DUSP16: variants seen among roughly 807,000 people sequenced by gnomAD.
DUSP16 encodes dual specificity phosphatase 16.
In DUSP16, 21 loss-of-function variants were observed where a neutral mutation model predicts 58.3. That is an observed-to-expected ratio of 0.36 (90% CI 0.26 to 0.52). DUSP16 has a LOEUF of 0.52. Ranked by LOEUF, DUSP16 falls within the 20% of genes least tolerant of loss-of-function variation. The probability of loss-of-function intolerance (pLI) is 0.94; values close to 1 mark genes in which losing one functional copy is unlikely to be tolerated. For synonymous variants in DUSP16, 320 were observed against 323.8 expected (o/e 0.99, Z 0.12); for missense variants, 726 against 819.0 (o/e 0.89, Z 1.39).
At chr12:12,543,935 A>T (rs1007646594) in intron 1 of DUSP16, among the ~76,000 whole-genome samples, 1 of 151,600 alleles carries the variant, frequency 6.6e-6, no homozygotes, top group Non-Finnish European at 1.5e-5. Flanking sequence ...AAACTAATAC[A>T]ATCTTGTATG....
chr12:12,517,830 G>A (rs1944176400), intron 3 of DUSP16, among the ~76,000 whole-genome samples: 1 of 152,200 alleles, frequency 6.6e-6, no homozygotes, highest in Non-Finnish European at 1.5e-5. Flanking sequence ...CCATGGACTT[G>A]CCGTTAGGCC....
At chr12:12,528,545 T>C (rs1470869112) in intron 1 of DUSP16, among the ~76,000 whole-genome samples, 1 of 152,224 alleles carries the variant, frequency 6.6e-6, no homozygotes, top group Non-Finnish European at 1.5e-5. Context: ...CCTGGTTTTC[T>C]TGAACATCTG....
chr12:12,538,354 T>A (rs971799009), intron 1 of DUSP16, among the ~76,000 whole-genome samples: 3 of 152,170 alleles, frequency 2.0e-5, no homozygotes, highest in African/African-American at 7.2e-5. Context: ...TTAAAGAAAG[T>A]CAGAGACTAC....
intron 1 of DUSP16, among the ~76,000 whole-genome samples, chr12:12,531,185 A>G (rs1944378845): frequency 6.6e-6 from 1 of 152,206 alleles, no homozygotes; most frequent in Non-Finnish European, 1.5e-5. Flanking sequence ...GAGAGGGGTT[A>G]TAATTTAATT....
At chr12:12,492,417 G>A (rs1037238261) in intron 4 of DUSP16, among the ~76,000 whole-genome samples, 6 of 152,032 alleles carry the variant, frequency 3.9e-5, no homozygotes, top group Admixed American at 6.6e-5. Flanking sequence ...CTTCCCACCT[G>A]CTGTTTTGGG....
chr12:12,519,804 G>A, intron 3 of DUSP16, 58 bp downstream of exon 3: 3 of 1,578,836 alleles, frequency 1.9e-6, no homozygotes, highest in Non-Finnish European at 2.6e-6. Context: ...AGTGAAATAT[G>A]CTTACTCATA....
At chr12:12,517,149 A>G (rs1317719282) in intron 3 of DUSP16, among the ~76,000 whole-genome samples, 1 of 152,248 alleles carries the variant, frequency 6.6e-6, no homozygotes, top group Non-Finnish European at 1.5e-5. Flanking sequence ...ATGTGGGGCC[A>G]CAATTCCTCA....
At chr12:12,526,268 TAAC>T (rs1311764078) in intron 1 of DUSP16, among the ~76,000 whole-genome samples, 2 of 150,538 alleles carry the variant, frequency 1.3e-5, no homozygotes, top group African/African-American at 4.9e-5. Flanking sequence ...ACAAGTTGTA[TAAC>T]AACTTTCCCC....
At chr12:12,510,552 A>G (rs1206856510) in intron 3 of DUSP16, among the ~76,000 whole-genome samples, 1 of 152,212 alleles carries the variant, frequency 6.6e-6, no homozygotes, top group African/African-American at 2.4e-5. Flanking sequence ...GTGAGGGAGA[A>G]AGGGATAACT....
At chr12:12,558,329 CTCATA>C (rs766782695) in intron 1 of DUSP16, among the ~76,000 whole-genome samples, 72 of 152,094 alleles carry the variant, frequency 4.7e-4, no homozygotes, top group Middle Eastern at 3.4e-3. Context: ...ATTTTACATT[CTCATA>C]TAAGTAATGC....
At chr12:12,526,348 T>C (rs1307063904) in intron 1 of DUSP16, among the ~76,000 whole-genome samples, 1 of 152,222 alleles carries the variant, frequency 6.6e-6, no homozygotes, top group Non-Finnish European at 1.5e-5. Flanking sequence ...TTTGGTTACT[T>C]ATGGAAATGT....
At chr12:12,507,923 T>A (rs917267910) in intron 3 of DUSP16, among the ~76,000 whole-genome samples, 3 of 152,272 alleles carry the variant, frequency 2.0e-5, no homozygotes, top group African/African-American at 7.2e-5. Context: ...AATTCTTTTG[T>A]AGTTCTCAAG....
chr12:12,480,260 T>C lies in DUSP16; in HGVS notation c.778A>G (p.Met260Val). 6.2e-7 allele frequency: 1 copy of C among 1,614,202 alleles called. No individual in the cohort carries two copies. Among genetic ancestry groups the C allele is most frequent in the Non-Finnish European group, 8.5e-7 (1 of 1,180,030 alleles). The change falls in exon 6 of 7, where the codon ATG becomes GTG. Residue 260 changes from methionine (M) to valine (V), a missense_variant. Coordinates refer to ENST00000298573, the MANE Select transcript of DUSP16 (RefSeq NM_030640.3). ...TCTAAAGACATGTCCATCCTCTTCA[T>C]GATGTAGGCGATAGCGATGGTGGCG... Reference protein sequence around the residue: ...RSATIAIAYIMKRMDMSLDEA... With the variant: ...RSATIAIAYIVKRMDMSLDEA...
chr12:12,521,948 GT>G (rs1474242876), intron 1 of DUSP16, among the ~76,000 whole-genome samples: 1 of 151,658 alleles, frequency 6.6e-6, no homozygotes, highest in Non-Finnish European at 1.5e-5. Flanking sequence ...GAATGGGTAG[GT>G]GTATATGTGT....
At chr12:12,543,894 T>C (rs140421630) in intron 1 of DUSP16, among the ~76,000 whole-genome samples, 111 of 151,986 alleles carry the variant, frequency 7.3e-4, no homozygotes, top group African/African-American at 2.6e-3. Flanking sequence ...CCTTACAGCA[T>C]TGATAATACA....
chr12:12,492,931 T>C (rs1943781154), intron 4 of DUSP16, among the ~76,000 whole-genome samples: 1 of 152,186 alleles, frequency 6.6e-6, no homozygotes, highest in Admixed American at 6.5e-5. Context: ...CAATATTTAC[T>C]TCTCAATATT....
At chr12:12,505,827 AAAG>A (rs1203218851) in intron 3 of DUSP16, among the ~76,000 whole-genome samples, 1 of 152,212 alleles carries the variant, frequency 6.6e-6, no homozygotes, top group Admixed American at 6.5e-5. Flanking sequence ...TATAAAACAA[AAAG>A]AAGCCTCTTT....
rs1336720504 is a variant in DUSP16, at chr12:12,476,375, T to C, written c.*458A>G. On this transcript the variant is annotated 3_prime_UTR_variant, in exon 7 of 7. Transcript: ENST00000298573. Reference sequence around the variant, plus strand: ...GGATCATTTCTCTTGGATTTACCACTAGGCTCTGTCCCTAACAGGGTCTAC... The same window carrying C: ...GGATCATTTCTCTTGGATTTACCACCAGGCTCTGTCCCTAACAGGGTCTAC... The C allele has an allele frequency of 6.5e-6, 1 of 154,854 alleles. No individual in the cohort carries two copies. Among genetic ancestry groups the C allele is most frequent in the Non-Finnish European group, 1.4e-5 (1 of 69,774 alleles). 9.6% of individuals were successfully genotyped at this position (154,854 alleles called of 1,614,324 possible). A position where few individuals can be genotyped will look rare whatever the true frequency, so the allele number is the denominator to read the frequency against.
intron 1 of DUSP16, among the ~76,000 whole-genome samples, chr12:12,525,892 TTA>T (rs1944299610): frequency 6.6e-6 from 1 of 151,724 alleles, no homozygotes; most frequent in Non-Finnish European, 1.5e-5. Flanking sequence ...GACATACTAG[TTA>T]GAGAGTACCC....
Sources: allele counts gnomAD v4.1 joint callset (sites outside exome capture counted in the v4.1 genomes callset), GRCh38; gene constraint gnomAD v4.1.1; transcripts MANE v1.5; gene names NCBI Gene and HGNC (gene_info 2026-07-23, HGNC 2026-07-21).